Variants in MAGI1 observed in about 807,000 individuals in gnomAD.
MAGI1 encodes membrane associated guanylate kinase, WW and PDZ domain containing 1, also known as membrane-associated guanylate kinase, WW and PDZ domain-containing protein 1.
Under a neutral mutation model 139.9 loss-of-function variants are expected in MAGI1, and 58 were observed. The ratio of observed to expected loss-of-function variants is 0.41; its 90% CI spans 0.34 to 0.52. The LOEUF is 0.52. Among genes scored for constraint, MAGI1 ranks in the 20% least tolerant of loss-of-function variants. The probability of loss-of-function intolerance (pLI) is 0.12; values close to 1 mark genes in which losing one functional copy is unlikely to be tolerated. For synonymous variants in MAGI1, 812 were observed against 737.9 expected, an observed-to-expected ratio of 1.10 and a Z score of -1.63; for missense variants, 1,874 against 1,901.6, an observed-to-expected ratio of 0.99 and a Z score of 0.27.
chr3:65,689,029 G>T (rs1287802539), intron 1 of MAGI1, among the ~76,000 whole-genome samples: 1 of 152,108 alleles, frequency 6.6e-6, no homozygotes, highest in African/African-American at 2.4e-5. Flanking sequence ...GCCCCAAATT[G>T]TCCTCACTGA....
chr3:65,832,104 C>G (rs2042563192), intron 1 of MAGI1, among the ~76,000 whole-genome samples: 1 of 152,128 alleles, frequency 6.6e-6, no homozygotes, highest in African/African-American at 2.4e-5. Flanking sequence ...TTCAGAGCAC[C>G]TTTCTCTTGA....
At chr3:65,741,690 G>T (rs549606166) in intron 1 of MAGI1, among the ~76,000 whole-genome samples, 44 of 152,130 alleles carry the variant, frequency 2.9e-4, no homozygotes, top group Non-Finnish European at 6.0e-4. Context: ...TTCTGTACTG[G>T]GATAAGTTAA....
At chr3:65,459,940 A>G (rs1949663012) in intron 5 of MAGI1, among the ~76,000 whole-genome samples, 1 of 152,190 alleles carries the variant, frequency 6.6e-6, no homozygotes, top group South Asian at 2.1e-4. Context: ...AAAAAAAGAA[A>G]AAAAGAAAAA....
At chr3:65,509,169 T>TTTAC (rs67280599) in intron 2 of MAGI1, among the ~76,000 whole-genome samples, 41 of 332 alleles carry the variant, frequency 0.12, no homozygotes, top group Middle Eastern at 0.5. Context: ...CTCCAATGGG[T>TTTAC]TGTTTCAAAA....
At chr3:65,509,470 G>C (rs549656946) in intron 2 of MAGI1, among the ~76,000 whole-genome samples, 75 of 152,326 alleles carry the variant, frequency 4.9e-4, no homozygotes, top group African/African-American at 1.7e-3. Flanking sequence ...AGCCGAAGCA[G>C]GGTGAGGCAC....
chr3:65,760,690 A>C (rs264083), intron 1 of MAGI1, among the ~76,000 whole-genome samples: 82,456 of 151,912 alleles, frequency 0.54, 22,994 homozygotes, highest in South Asian at 0.71. Flanking sequence ...TACAGGCACG[A>C]GCCACTGGCC....
Position 65,408,956 on chromosome 3 carries a change from T to C in MAGI1, c.2168-7486A>G, listed in dbSNP as rs79916176. On this transcript the variant is annotated intron_variant, in intron 12 of 22. Coordinates refer to ENST00000402939, the MANE Select transcript of MAGI1 (RefSeq NM_001033057.2). Reference sequence around the variant, plus strand: ...ACAGAATAAACAACTTAGCAAACAATTTCAGAGAGTGGTAACTTCTGTGAT... The same window carrying C: ...ACAGAATAAACAACTTAGCAAACAACTTCAGAGAGTGGTAACTTCTGTGAT... 3.4e-3 allele frequency among the ~76,000 whole-genome samples: 518 copies of C among 152,276 alleles called. 4 individuals are homozygous for C. The highest frequency in any genetic ancestry group is 0.012 in the African/African-American group (483 of 41,564).
intron 1 of MAGI1, among the ~76,000 whole-genome samples, chr3:65,971,071 C>T (rs1023244755): frequency 2.6e-5 from 4 of 152,054 alleles, no homozygotes; most frequent in African/African-American, 9.7e-5. Context: ...GGCATGGTGG[C>T]GGGCGCCTGT....
At chr3:65,596,442 A>G (rs1041403550) in intron 2 of MAGI1, among the ~76,000 whole-genome samples, 2 of 152,240 alleles carry the variant, frequency 1.3e-5, no homozygotes, top group Non-Finnish European at 2.9e-5. Flanking sequence ...ACTCATAAGT[A>G]GTCTCCTAAT....
intron 14 of MAGI1, among the ~76,000 whole-genome samples, chr3:65,385,163 A>G (rs1276890607): frequency 6.6e-6 from 1 of 152,202 alleles, no homozygotes; most frequent in Admixed American, 6.5e-5. Context: ...TAAAATGAAT[A>G]TCTTGTTTTT....
chr3:65,810,111 T>G (rs1237434486), intron 1 of MAGI1, among the ~76,000 whole-genome samples: 1 of 152,222 alleles, frequency 6.6e-6, no homozygotes, highest in East Asian at 1.9e-4. Flanking sequence ...GTACATGAAT[T>G]TATCCATCAA....
intron 1 of MAGI1, among the ~76,000 whole-genome samples, chr3:65,796,374 A>G (rs2040149630): frequency 6.6e-6 from 1 of 152,228 alleles, no homozygotes; most frequent in Admixed American, 6.5e-5. Flanking sequence ...TCTAAAGAAT[A>G]CCTTCCCAGC....
intron 1 of MAGI1, among the ~76,000 whole-genome samples, chr3:65,968,567 G>C (rs1486958956): frequency 6.6e-6 from 1 of 151,524 alleles, no homozygotes; most frequent in East Asian, 1.9e-4. Context: ...AATAAGGTGT[G>C]TGTGTATATG....
Position 65,622,047 on chromosome 3 carries a change from G to T in MAGI1, c.355C>A (p.Arg119=), listed in dbSNP as rs750544831. The change falls in exon 2 of 23, where the codon CGA becomes AGA. Residue 119 remains arginine (R), a synonymous_variant. Transcript: ENST00000402939. The part of the protein sequence containing the change: ...NKDLRHFLNQ[R]FQKGSPDHEL... ...TGATCAGGAGACCCCTTCTGGAATC[G>T]CTGATTGAGAAAATGTCGCAGGTCC... is the stretch of plus-strand genomic sequence containing the variant. 1 of 1,613,984 alleles carries T rather than the reference G, an allele frequency of 6.2e-7. No individual in the cohort carries two copies. The highest frequency in any genetic ancestry group is 2.2e-5 in the East Asian group (1 of 44,854).
intron 1 of MAGI1, among the ~76,000 whole-genome samples, chr3:65,846,971 T>C (rs75966963): frequency 1.7e-5 from 1 of 59,128 alleles, no homozygotes; most frequent in Non-Finnish European, 2.7e-5. Flanking sequence ...AATAGCAATG[T>C]CTTACAAAAA....
intron 1 of MAGI1, among the ~76,000 whole-genome samples, chr3:65,667,853 C>T (rs1278228947): frequency 1.3e-5 from 2 of 152,110 alleles, no homozygotes; most frequent in South Asian, 2.1e-4. Context: ...CATGACCCAC[C>T]GCACCCAGCC....
At chr3:65,374,313 CTTTTTTTTT>C (rs3072933) in intron 18 of MAGI1, among the ~76,000 whole-genome samples, 10 of 95,054 alleles carry the variant, frequency 1.1e-4, no homozygotes, top group African/African-American at 4.3e-4. Flanking sequence ...ATCAACTTAA[CTTTTTTTTT>C]TTTTTTTTTT....
At chr3:65,899,311 A>G (rs2061118337) in intron 1 of MAGI1, among the ~76,000 whole-genome samples, 1 of 152,230 alleles carries the variant, frequency 6.6e-6, no homozygotes, top group African/African-American at 2.4e-5. Flanking sequence ...ATTCAGCTCC[A>G]GGAAAAGAGT....
intron 22 of MAGI1, chr3:65,360,254 C>T: frequency 1.0e-6 from 1 of 985,052 alleles, no homozygotes; most frequent in Non-Finnish European, 1.2e-6. Context: ...ATAAAGGGGA[C>T]CAACGTATCT....
Sources: gnomAD v4.1 joint callset for allele counts (sites outside exome capture counted in the v4.1 genomes callset) on GRCh38, gnomAD v4.1.1 for gene constraint, MANE v1.5 for transcripts, NCBI Gene and HGNC (gene_info 2026-07-23, HGNC 2026-07-21) for gene names.